The following DHX8 variants were observed in gnomAD, a reference collection of about 807,000 sequenced individuals.
The protein encoded by DHX8 is DEAH-box helicase 8, also known as ATP-dependent RNA helicase DHX8.
In DHX8, 67 loss-of-function variants were observed where a neutral mutation model predicts 140.7. That is an observed-to-expected ratio of 0.48 (90% CI 0.39 to 0.58). The LOEUF (loss-of-function observed/expected upper bound fraction) is 0.58, where lower values mean the gene tolerates loss of function less well. Ranked by LOEUF, DHX8 falls within the 20% of genes least tolerant of loss-of-function variation. DHX8 has a pLI of 0.00. For missense variants in DHX8, 887 were observed against 1,550.7 expected, an observed-to-expected ratio of 0.57 and a Z score of 7.19; for synonymous variants, 533 against 553.2, an observed-to-expected ratio of 0.96 and a Z score of 0.51.
At chr17:43,488,152 C>T (rs1392826139) in intron 1 of DHX8, among the ~76,000 whole-genome samples, 1 of 152,040 alleles carries the variant, frequency 6.6e-6, no homozygotes, top group Non-Finnish European at 1.5e-5. Flanking sequence ...GTGGCATGCG[C>T]CTGTAGCCCC....
intron 9 of DHX8, among the ~76,000 whole-genome samples, chr17:43,497,368 G>A (rs1968926234): frequency 6.6e-6 from 1 of 151,896 alleles, no homozygotes; most frequent in Non-Finnish European, 1.5e-5. Context: ...TTGGTTTTTG[G>A]TTAATCTTTG....
chr17:43,525,663 T>A lies in DHX8; in HGVS notation c.*1816T>A. Reference sequence around the variant, plus strand: ...TGTTTTTGTTTTTGTTAAGACAGGATCTTGCCATCTTGCCTAGGCTGGCAT... The same window carrying A: ...TGTTTTTGTTTTTGTTAAGACAGGAACTTGCCATCTTGCCTAGGCTGGCAT... On this transcript the variant is annotated 3_prime_UTR_variant, in exon 23 of 23. Coordinates refer to ENST00000262415, the MANE Select transcript of DHX8 (RefSeq NM_004941.3). 9.1e-6 allele frequency: 9 copies of A among 984,992 alleles called. No homozygotes were observed. The highest frequency in any genetic ancestry group is 9.6e-6 in the Non-Finnish European group (8 of 829,556). 61.0% of individuals were successfully genotyped at this position (984,992 alleles called of 1,614,324 possible).
rs560604164 is a variant in DHX8 at position 43,506,376 on chromosome 17, T to C, written c.1729-627T>C. Among the ~76,000 whole-genome samples the C allele has an allele frequency of 4.0e-5, 6 of 150,800 alleles. No homozygotes were observed. The East Asian group carries it at 6.2e-4, about 16-fold the overall frequency. On this transcript the variant is annotated intron_variant, in intron 12 of 22. Coordinates refer to ENST00000262415, the MANE Select transcript of DHX8 (RefSeq NM_004941.3). ...GCTCACACCTGTAATCCCAATACTT[T>C]GGGAGGCCAAGGCGGGCGGATCACC...
intron 3 of DHX8, among the ~76,000 whole-genome samples, chr17:43,537,211 C>A (rs1971288326): frequency 6.6e-6 from 1 of 151,052 alleles, no homozygotes; most frequent in Non-Finnish European, 1.5e-5. Flanking sequence ...ACTAAAAGTA[C>A]AAAACTTAGC....
chr17:43,544,713 T>C (rs1971711373), downstream of DHX8: 1 of 366,456 alleles, frequency 2.7e-6, no homozygotes, highest in East Asian at 4.0e-5. Flanking sequence ...AATAAGCAAA[T>C]ACCCCACACA....
chr17:43,523,940 G>T lies in DHX8; in HGVS notation c.*93G>T. On this transcript the variant is annotated 3_prime_UTR_variant, in exon 23 of 23. Transcript: ENST00000262415. ...GGTCCTGAGGATACAGCTGTCCCGT[G>T]ACTGACTGTCTTAACTGAGCATTTT... 1 of 1,547,882 alleles carries T rather than the reference G, an allele frequency of 6.5e-7. No homozygotes were observed. The highest frequency in any genetic ancestry group is 8.7e-7 in the Non-Finnish European group (1 of 1,146,858).
chr17:43,512,003 G>C (rs1223206378), intron 16 of DHX8, among the ~76,000 whole-genome samples: 1 of 152,138 alleles, frequency 6.6e-6, no homozygotes, highest in African/African-American at 2.4e-5. Context: ...CAAGGCTACA[G>C]AGCAAACCAG....
chr17:43,515,183 A>G (rs1970043419), intron 17 of DHX8, among the ~76,000 whole-genome samples: 1 of 152,142 alleles, frequency 6.6e-6, no homozygotes, highest in Admixed American at 6.6e-5. Context: ...AATAGCTAAC[A>G]CTTTTTGTTT....
downstream of DHX8, chr17:43,530,071 A>T (rs746215432): frequency 6.2e-7 from 1 of 1,609,180 alleles, no homozygotes; most frequent in Non-Finnish European, 8.5e-7. Flanking sequence ...CTCCCCCAAC[A>T]TGGAGGGCTT....
chr17:43,490,238 C>A (rs375028914), intron 2 of DHX8, among the ~76,000 whole-genome samples, 153 bp from the exon 3 acceptor site: 2 of 152,188 alleles, frequency 1.3e-5, no homozygotes, highest in South Asian at 2.1e-4. Flanking sequence ...TAGGTTCATG[C>A]TACACCAGGT....
intron 8 of DHX8, among the ~76,000 whole-genome samples, chr17:43,494,497 G>A (rs1968730197): frequency 2.6e-5 from 4 of 151,902 alleles, no homozygotes; most frequent in South Asian, 2.1e-4. Flanking sequence ...TGAGGCGGGC[G>A]GGTCACGAGC....
At chr17:43,531,268 G>A (rs966953010), downstream of DHX8, among the ~76,000 whole-genome samples, 4 of 152,230 alleles carry the variant, frequency 2.6e-5, no homozygotes, top group African/African-American at 9.6e-5. Flanking sequence ...CAAAAGCCAG[G>A]AGGAAAGAAG....
intron 2 of DHX8, among the ~76,000 whole-genome samples, chr17:43,535,746 A>G (rs1971207411): frequency 6.6e-6 from 1 of 152,190 alleles, no homozygotes; most frequent in Non-Finnish European, 1.5e-5. Flanking sequence ...TGACAACCAA[A>G]AATGTCTACA....
intron 3 of DHX8, chr17:43,536,582 C>CA: frequency 2.1e-6 from 2 of 972,502 alleles, no homozygotes; most frequent in East Asian, 2.4e-5. Context: ...AAGAAAGGAC[C>CA]AACAGCCTTT....
intron 1 of DHX8, among the ~76,000 whole-genome samples, chr17:43,486,120 G>A (rs1968129351): frequency 6.6e-6 from 1 of 151,444 alleles, no homozygotes; most frequent in African/African-American, 2.4e-5. Flanking sequence ...GAACTCAGGA[G>A]ACGGAGGTTT....
At chr17:43,485,941 A>T (rs1968116087) in intron 1 of DHX8, among the ~76,000 whole-genome samples, 1 of 152,224 alleles carries the variant, frequency 6.6e-6, no homozygotes, top group South Asian at 2.1e-4. Context: ...TCACGCCTGT[A>T]ATCCCAGCAC....
intron 8 of DHX8, 22 bp from the exon 9 acceptor site, chr17:43,496,159 C>T (rs7224969): frequency 0.047 from 74,536 of 1,594,928 alleles, 2,071 homozygotes; most frequent in Non-Finnish European, 0.056. Context: ...GTTACAAATG[C>T]TGCCTTCTCT....
chr17:43,512,349 T>G (rs2154586744), intron 16 of DHX8, among the ~76,000 whole-genome samples: 1 of 145,060 alleles, frequency 6.9e-6, no homozygotes, highest in Non-Finnish European at 1.5e-5. Context: ...ATTGCACCAC[T>G]GCACTCCAGC....
At chr17:43,529,490 T>G, downstream of DHX8, 2 of 1,598,684 alleles carry the variant, frequency 1.3e-6, no homozygotes, top group Non-Finnish European at 8.5e-7. Context: ...GCTGGGAACA[T>G]CCGAGAGGCC....
Sources: gnomAD v4.1 joint callset for allele counts (sites outside exome capture counted in the v4.1 genomes callset) on GRCh38, gnomAD v4.1.1 for gene constraint, MANE v1.5 for transcripts, NCBI Gene and HGNC (gene_info 2026-07-23, HGNC 2026-07-21) for gene names.